The following ADAM18 variants were observed in gnomAD, a reference collection of about 807,000 sequenced individuals.
ADAM18 encodes disintegrin and metalloproteinase domain-containing protein 18.
A neutral mutation model predicts 94.4 loss-of-function variants in ADAM18; 117 were observed. The ratio of observed to expected loss-of-function variants is 1.24; its 90% CI spans 1.07 to 1.45. The LOEUF (loss-of-function observed/expected upper bound fraction) is 1.45, where lower values mean the gene tolerates loss of function less well. Among genes scored for constraint, ADAM18 ranks in the 40% most tolerant of loss-of-function variants. The pLI, the probability that ADAM18 is intolerant of heterozygous loss-of-function variation, is 0.00. For synonymous variants in ADAM18, 327 were observed against 291.6 expected (o/e 1.12, Z -1.24); for missense variants, 936 against 880.0 (o/e 1.06, Z -0.81).
chr8:39,713,170 A>C (rs1338809062), intron 18 of ADAM18, among the ~76,000 whole-genome samples: 1 of 152,208 alleles, frequency 6.6e-6, no homozygotes, highest in African/African-American at 2.4e-5. Flanking sequence ...GACAAACCTG[A>C]CAAAAACAAG....
At chr8:39,708,352 A>T (rs1822297201) in intron 18 of ADAM18, among the ~76,000 whole-genome samples, 1 of 152,212 alleles carries the variant, frequency 6.6e-6, no homozygotes, top group Admixed American at 6.5e-5. Flanking sequence ...ATTCAACAAA[A>T]TTTTTAAAAT....
chr8:39,638,329 T>C (rs1440826899), intron 9 of ADAM18, 136 bp from the exon 10 acceptor site: 1 of 490,426 alleles, frequency 2.0e-6, no homozygotes, highest in Non-Finnish European at 3.6e-6. Context: ...TAATGTTTAT[T>C]AGATATTACC....
chr8:39,701,329 C>A (rs1488436718), intron 17 of ADAM18, among the ~76,000 whole-genome samples: 1 of 150,868 alleles, frequency 6.6e-6, no homozygotes, highest in East Asian at 1.9e-4. Context: ...ATGTATTGTT[C>A]TATTTCCTAA....
At chr8:39,666,648 T>A (rs1380451651) in intron 13 of ADAM18, among the ~76,000 whole-genome samples, 1 of 152,158 alleles carries the variant, frequency 6.6e-6, no homozygotes, top group Non-Finnish European at 1.5e-5. Flanking sequence ...ACATCTCACA[T>A]GGCGGCAGAC....
chr8:39,659,331 C>T (rs1188890294), intron 12 of ADAM18, among the ~76,000 whole-genome samples: 1 of 150,728 alleles, frequency 6.6e-6, no homozygotes, highest in African/African-American at 2.4e-5. Flanking sequence ...AATTTTCAAA[C>T]ATATTTTCTA....
intron 18 of ADAM18, among the ~76,000 whole-genome samples, chr8:39,718,876 A>T (rs1282395344): frequency 2.6e-5 from 4 of 151,128 alleles, no homozygotes; most frequent in East Asian, 1.9e-4. Context: ...TGCAATTTTC[A>T]TAGATCAAAA....
intron 13 of ADAM18, 50 bp from the exon 14 acceptor site, chr8:39,667,948 T>C (rs1821035826): frequency 6.5e-7 from 1 of 1,544,550 alleles, no homozygotes; most frequent in South Asian, 1.1e-5. Flanking sequence ...ACTAAGCAAT[T>C]GAGAAAAATG....
intron 2 of ADAM18, among the ~76,000 whole-genome samples, chr8:39,596,073 C>A (rs1818732996): frequency 1.3e-5 from 2 of 152,030 alleles, no homozygotes; most frequent in Non-Finnish European, 2.9e-5. Context: ...ATATTAGGTT[C>A]AGAGAAAAGA....
chr8:39,652,484 C>G (rs1394838871), intron 12 of ADAM18, among the ~76,000 whole-genome samples: 2 of 151,996 alleles, frequency 1.3e-5, no homozygotes, highest in Non-Finnish European at 2.9e-5. Flanking sequence ...AAATTAAAAT[C>G]AGAAAGAGAT....
intron 16 of ADAM18, among the ~76,000 whole-genome samples, chr8:39,683,281 A>G (rs1466938155): frequency 1.3e-5 from 2 of 152,224 alleles, no homozygotes; most frequent in African/African-American, 4.8e-5. Context: ...AAGCATATTC[A>G]TTTTAGTAAA....
At chr8:39,649,415 T>G (rs1355691738) in intron 12 of ADAM18, among the ~76,000 whole-genome samples, 1 of 152,144 alleles carries the variant, frequency 6.6e-6, no homozygotes, top group Non-Finnish European at 1.5e-5. Flanking sequence ...TATCTCATAT[T>G]TTCCCATGCT....
intron 12 of ADAM18, among the ~76,000 whole-genome samples, chr8:39,650,862 A>G (rs1210880319): frequency 6.6e-6 from 1 of 152,146 alleles, no homozygotes; most frequent in Non-Finnish European, 1.5e-5. Flanking sequence ...ACTTGAGAAA[A>G]GAAAGAGACA....
chr8:39,698,320 G>A (rs1431299667), intron 17 of ADAM18, among the ~76,000 whole-genome samples: 1 of 151,484 alleles, frequency 6.6e-6, no homozygotes, highest in African/African-American at 2.4e-5. Context: ...TCTATTTTTA[G>A]AATTTATTAA....
At chr8:39,637,055 A>ATATACATATATATATATATG (rs1563285294) in intron 7 of ADAM18, among the ~76,000 whole-genome samples, 1 of 138,546 alleles carries the variant, frequency 7.2e-6, no homozygotes, top group African/African-American at 2.7e-5. Context: ...ATATATATAT[A>ATATACATATATATATATATG]TATATATATA....
intron 18 of ADAM18, among the ~76,000 whole-genome samples, chr8:39,707,123 G>A (rs1389777542): frequency 6.6e-6 from 1 of 152,122 alleles, no homozygotes; most frequent in African/African-American, 2.4e-5. Context: ...ACATATCTAT[G>A]ATAAAGATCA....
intron 2 of ADAM18, among the ~76,000 whole-genome samples, chr8:39,605,077 G>T (rs576508762): frequency 6.6e-6 from 1 of 152,188 alleles, no homozygotes; most frequent in African/African-American, 2.4e-5. Context: ...TCCAGTCTGG[G>T]TGATGAGCAG....
chr8:39,725,248 A>G (rs1353141528), intron 19 of ADAM18, among the ~76,000 whole-genome samples: 1 of 152,200 alleles, frequency 6.6e-6, no homozygotes, highest in African/African-American at 2.4e-5. Context: ...GGAAATAAGT[A>G]TACCCCTTTA....
In ADAM18 at chr8:39,668,131, C is replaced by T; in HGVS notation, c.1460C>T (p.Thr487Ile). ...AATGGCCGTTTGTGCAAGTTGGGAA[C>T]TGCCTATTGCTATAACGGACAATGT... The part of the protein sequence containing the change: ...ALNGRLCKLG[T>I]AYCYNGQCQT... Residue 487 changes from threonine to isoleucine, a missense_variant, in exon 14 of 20, where the codon ACT (threonine) becomes ATT (isoleucine). Physicochemically the swap from Thr to Ile is moderately conservative, Grantham distance 89. Transcript: ENST00000265707. The T allele has an allele frequency of 6.2e-7, 1 of 1,614,108 alleles. No individual in the cohort carries two copies. Among genetic ancestry groups the T allele is most frequent in the South Asian group, 1.1e-5 (1 of 91,088 alleles).
At position 39,607,533 on chromosome 8, in the gene ADAM18, C is replaced by A. The variant is rs191308205; in HGVS notation, c.188+1171C>A. ...GTTTTCTGATAGAATCATCAGTGGT[C>A]CTCATGTTTTTGAATGCTCTGTTTG... On this transcript the variant is annotated intron_variant, in intron 3 of 19. Transcript: ENST00000265707. Among the ~76,000 whole-genome samples, 406 of 152,266 alleles carry A rather than the reference C, an allele frequency of 2.7e-3. 2 individuals are homozygous for A. The highest frequency in any genetic ancestry group is 3.8e-3 in the Admixed American group (58 of 15,292).
Sources: gnomAD v4.1 joint callset for allele counts (sites outside exome capture counted in the v4.1 genomes callset) on GRCh38, gnomAD v4.1.1 for gene constraint, MANE v1.5 for transcripts, NCBI Gene and HGNC (gene_info 2026-07-23, HGNC 2026-07-21) for gene names.